The following GRIA1 variants were observed in gnomAD, a reference collection of about 807,000 sequenced individuals.
GRIA1 encodes glutamate receptor 1.
A neutral mutation model predicts 99.2 loss-of-function variants in GRIA1; 31 were observed. The observed-to-expected ratio is 0.31, with a 90% CI of 0.23 to 0.42. The LOEUF (loss-of-function observed/expected upper bound fraction) is 0.42, where lower values mean the gene tolerates loss of function less well. Ranked by LOEUF, GRIA1 falls within the 10% of genes least tolerant of loss-of-function variation. The pLI, the probability that GRIA1 is intolerant of heterozygous loss-of-function variation, is 1.00. For missense variants in GRIA1, 782 were observed against 1,157.5 expected (o/e 0.68, Z 4.71); for synonymous variants, 438 against 432.4 (o/e 1.01, Z -0.16).
At chr5:153,554,387 C>T (rs779158635) in intron 2 of GRIA1, among the ~76,000 whole-genome samples, 3 of 152,182 alleles carry the variant, frequency 2.0e-5, no homozygotes, top group Non-Finnish European at 4.4e-5. Flanking sequence ...CTATGTGTAT[C>T]GGAATCCCTT....
chr5:153,669,099 A>G (rs991991600), intron 5 of GRIA1, among the ~76,000 whole-genome samples: 1 of 152,052 alleles, frequency 6.6e-6, no homozygotes, highest in African/African-American at 2.4e-5. Flanking sequence ...ATACTCACTC[A>G]CTCATTTATG....
At chr5:153,716,083 C>A (rs896305861) in intron 11 of GRIA1, among the ~76,000 whole-genome samples, 17 of 152,228 alleles carry the variant, frequency 1.1e-4, no homozygotes, top group Non-Finnish European at 2.1e-4. Flanking sequence ...AAGCTCTGAT[C>A]TCTTTGCTGG....
chr5:153,771,895 G>A (rs1763905712), intron 13 of GRIA1, among the ~76,000 whole-genome samples: 1 of 152,134 alleles, frequency 6.6e-6, no homozygotes, highest in South Asian at 2.1e-4. Flanking sequence ...TCAGAGGTGG[G>A]GGAGGGGGGA....
intron 2 of GRIA1, among the ~76,000 whole-genome samples, chr5:153,601,775 G>A (rs370737053): frequency 6.6e-6 from 1 of 152,196 alleles, no homozygotes; most frequent in Admixed American, 6.5e-5. Context: ...GAATTGTAAG[G>A]GACCTTAGAG....
At chr5:153,551,892 T>G (rs1760177535) in intron 2 of GRIA1, among the ~76,000 whole-genome samples, 1 of 152,132 alleles carries the variant, frequency 6.6e-6, no homozygotes, top group Non-Finnish European at 1.5e-5. Flanking sequence ...ATGTGGTTCC[T>G]TTTTCAAAGG....
intron 2 of GRIA1, among the ~76,000 whole-genome samples, chr5:153,496,595 C>G (rs1025119210): frequency 2.0e-5 from 3 of 152,084 alleles, no homozygotes; most frequent in Admixed American, 2.0e-4. Context: ...GCTGGAGGAG[C>G]CTCTCTTAAA....
chr5:153,708,286 C>G (rs1022804009), intron 11 of GRIA1, among the ~76,000 whole-genome samples: 2 of 152,156 alleles, frequency 1.3e-5, no homozygotes, highest in African/African-American at 4.8e-5. Flanking sequence ...ACCCCAGCCC[C>G]AACCTGACCT....
At chr5:153,651,535 C>A (rs544104414) in intron 4 of GRIA1, among the ~76,000 whole-genome samples, 11 of 152,234 alleles carry the variant, frequency 7.2e-5, no homozygotes, top group African/African-American at 2.6e-4. Context: ...AACTTTTGAA[C>A]AATGTCATAC....
chr5:153,546,662 G>A (rs1303073310), intron 2 of GRIA1, among the ~76,000 whole-genome samples: 1 of 152,118 alleles, frequency 6.6e-6, no homozygotes, highest in Admixed American at 6.5e-5. Flanking sequence ...AGGAAACACA[G>A]TTTATTATAA....
At chr5:153,686,699 G>A (rs768013846) in intron 8 of GRIA1, among the ~76,000 whole-genome samples, 34 of 152,178 alleles carry the variant, frequency 2.2e-4, no homozygotes, top group Non-Finnish European at 4.3e-4. Context: ...GATTATTGAT[G>A]AGGTTAACTA....
chr5:153,602,427 GC>G (rs1457289883), intron 2 of GRIA1, among the ~76,000 whole-genome samples: 2 of 151,914 alleles, frequency 1.3e-5, no homozygotes, highest in African/African-American at 2.4e-5. Flanking sequence ...TATACCTAAT[GC>G]TAAATGACGA....
Position 153,491,344 on chromosome 5 carries a change from T to C in GRIA1, c.82+374T>C, listed in dbSNP as rs1561580272. On this transcript the variant is annotated intron_variant, in intron 1 of 15. Coordinates refer to ENST00000285900, the MANE Select transcript of GRIA1 (RefSeq NM_000827.4). ...ATTCCATTTTTAATGTAAGTATGTA[T>C]GGTGTGTGTGTTTTCACGTGTGTGA... is the stretch of plus-strand genomic sequence containing the variant. 6.3e-6 allele frequency: 7 copies of C among 1,111,372 alleles called. No individual in the cohort carries two copies. The South Asian group carries it at 2.3e-4, about 36-fold the overall frequency. The allele number at this position is 1,111,372 out of a possible 1,614,324, so 68.8% of individuals were successfully genotyped here.
intron 11 of GRIA1, among the ~76,000 whole-genome samples, chr5:153,723,186 T>C (rs1032274138): frequency 6.6e-6 from 1 of 152,202 alleles, no homozygotes; most frequent in Non-Finnish European, 1.5e-5. Flanking sequence ...TATTGACCCA[T>C]AGTCTCAACT....
chr5:153,650,547 C>T (rs373189109), intron 4 of GRIA1, 33 bp downstream of exon 4: 92 of 1,596,036 alleles, frequency 5.8e-5, no homozygotes, highest in Admixed American at 8.6e-5. Context: ...AGGGTGGGTG[C>T]GGGAGGTGAT....
chr5:153,493,736 C>CA (rs1754148724), intron 1 of GRIA1, among the ~76,000 whole-genome samples, 192 bp from the exon 2 acceptor site: 1 of 152,088 alleles, frequency 6.6e-6, no homozygotes, highest in Non-Finnish European at 1.5e-5. Context: ...GCCCATGTCA[C>CA]AAAAAAGCTC....
chr5:153,594,085 T>C (rs926809806), intron 2 of GRIA1, among the ~76,000 whole-genome samples: 1 of 152,232 alleles, frequency 6.6e-6, no homozygotes, highest in Admixed American at 6.5e-5. Context: ...TCCAATGTTA[T>C]TCTGCATGCT....
intron 11 of GRIA1, among the ~76,000 whole-genome samples, chr5:153,738,296 T>C (rs1254753030): frequency 6.6e-6 from 1 of 152,136 alleles, no homozygotes; most frequent in East Asian, 1.9e-4. Context: ...ACCACTCTCT[T>C]CTGAGACACC....
intron 11 of GRIA1, among the ~76,000 whole-genome samples, chr5:153,751,619 G>C (rs1166244064): frequency 6.6e-6 from 1 of 152,212 alleles, no homozygotes; most frequent in Non-Finnish European, 1.5e-5. Context: ...GACTTTGACA[G>C]AAAAAGTTTG....
chr5:153,694,263 C>CT (rs149110705), intron 8 of GRIA1, among the ~76,000 whole-genome samples: 2,795 of 151,980 alleles, frequency 0.018, 53 homozygotes, highest in Non-Finnish European at 0.024. Flanking sequence ...ATTCATCTTG[C>CT]TTTTTTTTCC....
Sources: allele counts gnomAD v4.1 joint callset (sites outside exome capture counted in the v4.1 genomes callset), GRCh38; gene constraint gnomAD v4.1.1; transcripts MANE v1.5; gene names NCBI Gene and HGNC (gene_info 2026-07-23, HGNC 2026-07-21).